The following JAM2 variants were observed in gnomAD, a reference collection of about 807,000 sequenced individuals.
The protein encoded by JAM2 is junctional adhesion molecule 2.
JAM2 carries 17 observed loss-of-function variants against 42.0 expected under a neutral mutation model. That is an observed-to-expected ratio of 0.40 (90% confidence interval 0.28 to 0.61). The LOEUF is 0.61. Ranked by LOEUF, JAM2 falls within the 20% of genes least tolerant of loss-of-function variation. The pLI is 0.37. For missense variants in JAM2, 319 were observed against 358.3 expected (o/e 0.89, Z 0.89); for synonymous variants, 118 against 128.6 (o/e 0.92, Z 0.56).
Position 25,693,704 on chromosome 21 carries a change from A to C in JAM2, c.242-52A>C, listed in dbSNP as rs2033932548. 2.0e-6 allele frequency: 3 copies of C among 1,477,514 alleles called. No homozygotes were observed. The Admixed American group carries it at 5.1e-5, about 25-fold the overall frequency. 91.5% of individuals were successfully genotyped at this position (1,477,514 alleles called of 1,614,324 possible). ...TGAACTGATTAGAGGAAGGTATTAC[A>C]CAGAAAGCTACTTGGATTATTACTA... is the stretch of plus-strand genomic sequence containing the variant. On this transcript the variant is annotated intron_variant, in intron 3 of 9. Coordinates refer to ENST00000480456, the MANE Select transcript of JAM2 (RefSeq NM_021219.4).
In JAM2 at chr21:25,641,747, T is replaced by C. The variant is rs528149799; in HGVS notation, c.67+1859T>C. 2.0e-5 allele frequency among the ~76,000 whole-genome samples: 3 copies of C among 152,326 alleles called. No individual in the cohort carries two copies. In the South Asian group the frequency reaches 6.2e-4, roughly 32 times the overall value. ...ATGGTACACTTTATTCAAATTTCCT[T>C]CATTCTTACCTAATGCCTTTTCTAT... On this transcript the variant is annotated intron_variant, in intron 1 of 9. Coordinates refer to ENST00000480456, the MANE Select transcript of JAM2 (RefSeq NM_021219.4).
At chr21:25,711,429 G>A in intron 8 of JAM2, 1 of 456,208 alleles carries the variant, frequency 2.2e-6, no homozygotes, top group South Asian at 1.5e-5. Context: ...AACTATCTGA[G>A]GCTATGGCAG....
intron 6 of JAM2, among the ~76,000 whole-genome samples, chr21:25,703,052 G>A (rs920634356): frequency 9.2e-5 from 14 of 152,174 alleles, no homozygotes; most frequent in Middle Eastern, 3.4e-3. Context: ...GGGTTTCACC[G>A]TGTTGGTCAG....
In JAM2 at chr21:25,639,474, G is replaced by T. The variant is rs2032358712; in HGVS notation, c.-348G>T. 4.4e-6 allele frequency: 1 copy of T among 226,352 alleles called. No homozygotes were observed. Among genetic ancestry groups the T allele is most frequent in the South Asian group, 1.7e-4 (1 of 5,910 alleles). 14.0% of individuals were successfully genotyped at this position (226,352 alleles called of 1,614,324 possible). The stretch of plus-strand genomic sequence containing the variant: ...AATCCCGGAGGCGTGGGGGCGGAGG[G>T]ACGACCCGCCGGGGCTTTCCCGGGC... On this transcript the variant is annotated 5_prime_UTR_variant, in exon 1 of 10. Coordinates refer to ENST00000480456, the MANE Select transcript of JAM2 (RefSeq NM_021219.4).
At position 25,678,342 on chromosome 21, in the gene JAM2, T is replaced by C. The variant is rs544993188; in HGVS notation, c.68-5541T>C. Among the ~76,000 whole-genome samples, 5 of 152,312 alleles carry C rather than the reference T, an allele frequency of 3.3e-5. 1 individual carries two copies. Among genetic ancestry groups the C allele is most frequent in the African/African-American group, 1.2e-4 (5 of 41,576 alleles). ...TGGTCTCCTGTCTCATTCCTTCCTC[T>C]GCTCTCTGAAGATTCAGACTCTATC... On this transcript the variant is annotated intron_variant, in intron 1 of 9. Coordinates refer to ENST00000480456, the MANE Select transcript of JAM2 (RefSeq NM_021219.4).
chr21:25,695,550 GGCC>G (rs1568912686), intron 4 of JAM2, among the ~76,000 whole-genome samples: 2 of 149,940 alleles, frequency 1.3e-5, no homozygotes, highest in East Asian at 3.9e-4. Context: ...CAGACAGGGC[GGCC>G]GGGCAGAGGG....
chr21:25,658,441 G>A (rs1204340630), intron 1 of JAM2, among the ~76,000 whole-genome samples: 1 of 152,162 alleles, frequency 6.6e-6, no homozygotes, highest in Non-Finnish European at 1.5e-5. Flanking sequence ...AAAATGGAAA[G>A]AGAAATGTAT....
At chr21:25,697,249 C>A (rs2034058731) in intron 4 of JAM2, among the ~76,000 whole-genome samples, 1 of 151,696 alleles carries the variant, frequency 6.6e-6, no homozygotes, top group Non-Finnish European at 1.5e-5. Context: ...TTCATGAAAT[C>A]ATCCTATCTT....
At chr21:25,669,236 G>T (rs937658052) in intron 1 of JAM2, among the ~76,000 whole-genome samples, 1 of 151,984 alleles carries the variant, frequency 6.6e-6, no homozygotes, top group African/African-American at 2.4e-5. Context: ...AGCCAGACAT[G>T]TTGGCTAACA....
chr21:25,662,582 T>C (rs2033117848), intron 1 of JAM2, among the ~76,000 whole-genome samples: 1 of 152,198 alleles, frequency 6.6e-6, no homozygotes, highest in Non-Finnish European at 1.5e-5. Context: ...GCCTCTTGAG[T>C]ATCTGGGATA....
At chr21:25,682,918 C>A (rs2033668929) in intron 1 of JAM2, among the ~76,000 whole-genome samples, 1 of 152,224 alleles carries the variant, frequency 6.6e-6, no homozygotes, top group East Asian at 1.9e-4. Context: ...CTCTCCTCAT[C>A]TATCTTTCTT....
chr21:25,682,875 C>A (rs976458766), intron 1 of JAM2, among the ~76,000 whole-genome samples: 12 of 151,948 alleles, frequency 7.9e-5, no homozygotes, highest in African/African-American at 2.7e-4. Flanking sequence ...TCTCTGACCA[C>A]CCCCAGTCGA....
chr21:25,639,995 G>T, intron 1 of JAM2, 107 bp downstream of exon 1: 1 of 733,634 alleles, frequency 1.4e-6, no homozygotes, highest in Non-Finnish European at 2.1e-6. Flanking sequence ...TCTGGGCCGA[G>T]GTCGCCGCGG....
intron 5 of JAM2, among the ~76,000 whole-genome samples, chr21:25,701,844 A>T (rs1055414893): frequency 1.2e-4 from 19 of 152,132 alleles, no homozygotes; most frequent in African/African-American, 3.6e-4. Context: ...AATTAGAAAT[A>T]CCTACACTAC....
At chr21:25,696,097 C>T (rs1445434270) in intron 4 of JAM2, among the ~76,000 whole-genome samples, 1 of 152,198 alleles carries the variant, frequency 6.6e-6, no homozygotes, top group Non-Finnish European at 1.5e-5. Flanking sequence ...GCCTGGGCAA[C>T]ACTGAGCACT....
rs189679137 is a variant in JAM2 at position 25,676,010 on chromosome 21, G to T, written c.68-7873G>T. Among the ~76,000 whole-genome samples the T allele has an allele frequency of 3.3e-5, 5 of 152,070 alleles. 1 individual carries two copies. Among genetic ancestry groups the T allele is most frequent in the African/African-American group, 1.2e-4 (5 of 41,494 alleles). On this transcript the variant is annotated intron_variant, in intron 1 of 9. Transcript: ENST00000480456. ...TAAAACAAACAAAAAACTTCAGGCC[G>T]GGTGCAGTGGCTCACGTCTGTAATC...
chr21:25,688,117 C>CGA (rs1209479326), intron 2 of JAM2, among the ~76,000 whole-genome samples: 1 of 152,018 alleles, frequency 6.6e-6, no homozygotes, highest in Non-Finnish European at 1.5e-5. Context: ...ACATGGCCAG[C>CGA]GAGAGAGAGG....
At chr21:25,673,779 T>C (rs1281599491) in intron 1 of JAM2, among the ~76,000 whole-genome samples, 1 of 152,166 alleles carries the variant, frequency 6.6e-6, no homozygotes, top group Non-Finnish European at 1.5e-5. Flanking sequence ...TACTCTCAAT[T>C]GTCATATCTC....
intron 1 of JAM2, among the ~76,000 whole-genome samples, chr21:25,665,562 T>C (rs894179943): frequency 1.3e-5 from 2 of 152,122 alleles, no homozygotes; most frequent in African/African-American, 4.8e-5. Flanking sequence ...TTGGTTCATG[T>C]GATTATGGAG....
Sources: gnomAD v4.1 joint callset for allele counts (sites outside exome capture counted in the v4.1 genomes callset) on GRCh38, gnomAD v4.1.1 for gene constraint, MANE v1.5 for transcripts, NCBI Gene and HGNC (gene_info 2026-07-23, HGNC 2026-07-21) for gene names.